The following GSDME variants were observed in gnomAD, a reference collection of about 807,000 sequenced individuals.
GSDME encodes the protein gasdermin E.
In GSDME, 44 loss-of-function variants were observed where a neutral mutation model predicts 47.5. That is an observed-to-expected ratio of 0.93 (90% CI 0.73 to 1.19). GSDME has a LOEUF of 1.19. Ranked by LOEUF, GSDME falls within the 50% of genes most tolerant of loss-of-function variation. The probability of loss-of-function intolerance (pLI) is 0.00; values close to 1 mark genes in which losing one functional copy is unlikely to be tolerated. For missense variants in GSDME, 663 were observed against 604.2 expected, an observed-to-expected ratio of 1.10 and a Z score of -1.02; for synonymous variants, 258 against 252.8, an observed-to-expected ratio of 1.02 and a Z score of -0.20.
chr7:24,741,523 G>C (rs1235245931), intron 3 of GSDME, among the ~76,000 whole-genome samples: 1 of 152,136 alleles, frequency 6.6e-6, no homozygotes, highest in Non-Finnish European at 1.5e-5. Flanking sequence ...GCCCAGCACA[G>C]GCTTGTTTTT....
rs1160648252 is a variant in GSDME at position 24,726,775 on chromosome 7, C to CA, written c.405-7558dup. On this transcript the variant is annotated intron_variant, in intron 3 of 9. Coordinates refer to ENST00000645220, the MANE Select transcript of GSDME (RefSeq NM_001127453.2). The surrounding 1 kb of genome is among the most constrained non-coding windows in gnomAD (Gnocchi z 5.6). ...TGAGCCGAGATCGCCCACTGCACTCCAGCCCGGGGGACAGAGCGAGACTCC... is the reference window on the plus strand; with the variant it reads ...TGAGCCGAGATCGCCCACTGCACTCCAAGCCCGGGGGACAGAGCGAGACTCC... 6.7e-6 allele frequency among the ~76,000 whole-genome samples: 1 copy of CA among 149,730 alleles called. No individual in the cohort carries two copies. Among genetic ancestry groups the CA allele is most frequent in the Non-Finnish European group, 1.5e-5 (1 of 67,672 alleles).
Position 24,699,027 on chromosome 7 carries a change from C to T in GSDME, c.1490G>A (p.Ter497=), listed in dbSNP as rs767273037. Residue 497 remains the stop codon, a stop_retained_variant, in exon 10 of 10, where the codon TGA becomes TAA. Coordinates refer to ENST00000645220, the MANE Select transcript of GSDME (RefSeq NM_001127453.2). The part of the protein sequence containing the change: ...GLCALGREHS[*] ...CGTACTTCTAGTTCACATATGACAT[C>T]ATGAATGTTCTCTGCCTAAAGCACA... 9.3e-6 allele frequency: 15 copies of T among 1,607,394 alleles called. No individual in the cohort carries two copies. In the East Asian group the frequency reaches 3.3e-4, roughly 36 times the overall value.
chr7:24,702,839 GGA>G lies in GSDME; in HGVS notation c.1184-8_1184-7del, dbSNP rs750656785. ...TGCTGCGCTATCTGGCATTTCTGCAGGAGAGAAAAATCACAGTCACAGTCCAA... is the reference window on the plus strand; with the variant it reads ...TGCTGCGCTATCTGGCATTTCTGCAGGAGAAAAATCACAGTCACAGTCCAA... On this transcript the variant is annotated splice_polypyrimidine_tract_variant and splice_region_variant and intron_variant, in intron 8 of 9. Coordinates refer to ENST00000645220, the MANE Select transcript of GSDME (RefSeq NM_001127453.2). 5.6e-6 allele frequency: 9 copies of G among 1,612,132 alleles called. No homozygotes were observed. Among genetic ancestry groups the G allele is most frequent in the Non-Finnish European group, 6.8e-6 (8 of 1,178,952 alleles).
chr7:24,706,677 C>T (rs906134746), intron 7 of GSDME, among the ~76,000 whole-genome samples: 1 of 152,238 alleles, frequency 6.6e-6, no homozygotes, highest in Admixed American at 6.5e-5. Context: ...TGGTTACACA[C>T]AGAACTGGGG....
At chr7:24,781,848 A>G in the GSDME span, among the ~76,000 whole-genome samples, 1 of 152,074 alleles carries the variant, frequency 6.6e-6, no homozygotes, top group African/African-American at 2.4e-5. Context: ...GGCTCAAGCA[A>G]TCCAACCACC....
chr7:24,793,784 C>CTT, the GSDME span, among the ~76,000 whole-genome samples: 2 of 142,300 alleles, frequency 1.4e-5, no homozygotes, highest in African/African-American at 5.1e-5. Flanking sequence ...CCCCCCTTTT[C>CTT]TTTTTTTTTT....
the GSDME span, among the ~76,000 whole-genome samples, chr7:24,772,304 T>C: frequency 6.6e-6 from 1 of 152,242 alleles, no homozygotes; most frequent in South Asian, 2.1e-4. The surrounding 1 kb of genome is among the most constrained non-coding windows in gnomAD (Gnocchi z 4.5). Context: ...TAATCTTCTC[T>C]TTCTCTACCC....
the GSDME span, among the ~76,000 whole-genome samples, chr7:24,779,916 T>C: frequency 6.6e-6 from 1 of 152,364 alleles, no homozygotes; most frequent in East Asian, 1.9e-4. This position sits in a 1 kb window ranked among gnomAD's most constrained non-coding sequence, Gnocchi z 6.0. Context: ...CCTCATCTCA[T>C]TGGCCAGAAC....
rs1264370087 is a variant in GSDME at position 24,733,000 on chromosome 7, C to T, written c.404+11562G>A. ...CAACTCCAAGCAGCACAACATGCAG[C>T]TCCAAAAGAGATCCCTTCCTTGTGC... On this transcript the variant is annotated intron_variant, in intron 3 of 9. Transcript: ENST00000645220. This position sits in a 1 kb window ranked among gnomAD's most constrained non-coding sequence, Gnocchi z 4.8. Among the ~76,000 whole-genome samples the T allele has an allele frequency of 6.6e-6, 1 of 151,960 alleles. No homozygotes were observed. Among genetic ancestry groups the T allele is most frequent in the Non-Finnish European group, 1.5e-5 (1 of 68,008 alleles).
intron 3 of GSDME, among the ~76,000 whole-genome samples, chr7:24,737,978 C>T (rs796507130): frequency 7.9e-5 from 12 of 151,862 alleles, no homozygotes; most frequent in African/African-American, 2.7e-4. Flanking sequence ...AACATAGTTC[C>T]ACAATAAAAG....
rs190924242 is a variant in GSDME at position 24,740,915 on chromosome 7, C to G, written c.404+3647G>C. 2.0e-3 allele frequency among the ~76,000 whole-genome samples: 304 copies of G among 152,192 alleles called. 1 individual carries two copies. Among genetic ancestry groups the G allele is most frequent in the African/African-American group, 6.6e-3 (274 of 41,508 alleles). On this transcript the variant is annotated intron_variant, in intron 3 of 9. Coordinates refer to ENST00000645220, the MANE Select transcript of GSDME (RefSeq NM_001127453.2). ...TTTATGGTAACACCCTCCTCAATCC[C>G]CAAATAGCCAGGAAAGCACAACGCA...
chr7:24,703,189 A>G (rs993574964), intron 8 of GSDME: 4 of 350,428 alleles, frequency 1.1e-5, no homozygotes, highest in East Asian at 7.4e-5. Context: ...CCCTCCACAC[A>G]TTCAGGCTGC....
chr7:24,699,273 T>C lies in GSDME; in HGVS notation c.1258-14A>G, dbSNP rs1788763937. 6.4e-7 allele frequency: 1 copy of C among 1,559,804 alleles called. No individual in the cohort carries two copies. The highest frequency in any genetic ancestry group is 1.7e-5 in the Admixed American group (1 of 59,884). Reference sequence around the variant, plus strand: ...CAGAGCACGAAGCTGAAATGACACATTTAAACAAATTCACTTTTAAAATGT... The same window carrying C: ...CAGAGCACGAAGCTGAAATGACACACTTAAACAAATTCACTTTTAAAATGT... On this transcript the variant is annotated splice_polypyrimidine_tract_variant and intron_variant, in intron 9 of 9. Coordinates refer to ENST00000645220, the MANE Select transcript of GSDME (RefSeq NM_001127453.2).
chr7:24,702,710 C>A, intron 9 of GSDME, 50 bp downstream of exon 9: 1 of 1,514,322 alleles, frequency 6.6e-7, no homozygotes, highest in South Asian at 1.1e-5. Flanking sequence ...ACCCCCTCAT[C>A]ATTTCCCCAT....
At chr7:24,717,600 G>A (rs529962350) in intron 4 of GSDME, among the ~76,000 whole-genome samples, 20 of 152,286 alleles carry the variant, frequency 1.3e-4, no homozygotes, top group Admixed American at 5.2e-4. Flanking sequence ...GCATCAAAGC[G>A]AGATTATAGA....
intron 3 of GSDME, among the ~76,000 whole-genome samples, chr7:24,731,184 A>C (rs970819815): frequency 6.6e-6 from 1 of 152,244 alleles, no homozygotes; most frequent in Non-Finnish European, 1.5e-5. Flanking sequence ...GACAAGGCCC[A>C]TGAAGGTCTT....
rs757082609 is a variant in GSDME, at chr7:24,742,214, C to T, written c.404+2348G>A. ...ACGCGGGTTCATGCCTCGGCCTTAACATTCTGTGCTATCATTTTAAGACTT... is the reference window on the plus strand; with the variant it reads ...ACGCGGGTTCATGCCTCGGCCTTAATATTCTGTGCTATCATTTTAAGACTT... On this transcript the variant is annotated intron_variant, in intron 3 of 9. Coordinates refer to ENST00000645220, the MANE Select transcript of GSDME (RefSeq NM_001127453.2). The surrounding 1 kb of genome is among the most constrained non-coding windows in gnomAD (Gnocchi z 4.4). Among the ~76,000 whole-genome samples, 11 of 152,202 alleles carry T rather than the reference C, an allele frequency of 7.2e-5. No homozygotes were observed. Among genetic ancestry groups the T allele is most frequent in the Admixed American group, 2.0e-4 (3 of 15,286 alleles).
chr7:24,738,378 G>C (rs1017774961), intron 3 of GSDME, among the ~76,000 whole-genome samples: 1 of 152,030 alleles, frequency 6.6e-6, no homozygotes, highest in East Asian at 1.9e-4. Context: ...ATTTACAATA[G>C]CTACAAATAA....
At position 24,702,823 on chromosome 7, in the gene GSDME, A is replaced by C; in HGVS notation, c.1194T>G (p.Asp398Glu). Residue 398 changes from aspartate to glutamate, a missense_variant, in exon 9 of 10, where the codon GAT (aspartate) becomes GAG (glutamate). Coordinates refer to ENST00000645220, the MANE Select transcript of GSDME (RefSeq NM_001127453.2). ...FLVSALAEMPDSAAALLGTCC... is the reference protein window; with the variant it reads ...FLVSALAEMPESAAALLGTCC... Reference sequence around the variant, plus strand: ...AAGTGCCCAGCAGAGCTGCTGCGCTATCTGGCATTTCTGCAGGAGAGAAAA... The same window carrying C: ...AAGTGCCCAGCAGAGCTGCTGCGCTCTCTGGCATTTCTGCAGGAGAGAAAA... The C allele has an allele frequency of 1.2e-6, 2 of 1,613,146 alleles. No individual in the cohort carries two copies. The highest frequency in any genetic ancestry group is 1.7e-6 in the Non-Finnish European group (2 of 1,179,426).
Sources: gnomAD v4.1 joint callset for allele counts (sites outside exome capture counted in the v4.1 genomes callset) on GRCh38, gnomAD v4.1.1 for gene constraint, Gnocchi (gnomAD v3.1) non-coding constraint, MANE v1.5 for transcripts, NCBI Gene and HGNC (gene_info 2026-07-23, HGNC 2026-07-21) for gene names.